REV3L: variants seen among roughly 807,000 people sequenced by gnomAD.
The protein encoded by REV3L is REV3 like, DNA directed polymerase zeta catalytic subunit, also known as DNA polymerase zeta catalytic subunit.
Under a neutral mutation model 299.4 loss-of-function variants are expected in REV3L, and 69 were observed. The ratio of observed to expected loss-of-function variants is 0.23; its 90% CI spans 0.19 to 0.28. REV3L has a LOEUF of 0.28. Ranked by LOEUF, REV3L falls within the 10% of genes least tolerant of loss-of-function variation. The pLI is 1.00. For missense variants in REV3L, 3,128 were observed against 3,693.8 expected (o/e 0.85, Z 3.97); for synonymous variants, 1,238 against 1,271.4 (o/e 0.97, Z 0.56).
At chr6:111,428,127 AAC>A (rs1459346810) in intron 1 of REV3L, among the ~76,000 whole-genome samples, 2 of 152,200 alleles carry the variant, frequency 1.3e-5, no homozygotes, top group African/African-American at 4.8e-5. Flanking sequence ...TAGAATAAAT[AAC>A]TAATCCTTGA....
At chr6:111,454,624 T>C (rs1789956662) in intron 1 of REV3L, among the ~76,000 whole-genome samples, 1 of 152,158 alleles carries the variant, frequency 6.6e-6, no homozygotes, top group Admixed American at 6.6e-5. Context: ...ATTGTAGGTA[T>C]CTCATATAAG....
chr6:111,385,278 T>C (rs1006514396), intron 9 of REV3L, among the ~76,000 whole-genome samples: 1 of 152,116 alleles, frequency 6.6e-6, no homozygotes. Flanking sequence ...CACAAAGAAA[T>C]ATATGCTTGA....
At position 111,416,486 on chromosome 6, in the gene REV3L, C is replaced by A; in HGVS notation, c.140-14G>T. The A allele has an allele frequency of 1.3e-6, 2 of 1,595,238 alleles. No individual in the cohort carries two copies. Among genetic ancestry groups the A allele is most frequent in the Non-Finnish European group, 1.7e-6 (2 of 1,166,800 alleles). On this transcript the variant is annotated splice_polypyrimidine_tract_variant and intron_variant, in intron 1 of 31. Coordinates refer to ENST00000368802, the MANE Select transcript of REV3L (RefSeq NM_001372078.1). The stretch of plus-strand genomic sequence containing the variant: ...ATGTCTTCTGACCTAAAATGTAACA[C>A]ATTATAAAGTTTAGTTTCCAGACAC...
At position 111,388,152 on chromosome 6, in the gene REV3L, A is replaced by C. The variant is rs571148107; in HGVS notation, c.863-67T>G. On this transcript the variant is annotated intron_variant, in intron 7 of 31. Coordinates refer to ENST00000368802, the MANE Select transcript of REV3L (RefSeq NM_001372078.1). ...TGAATGAAATATTTTCCCTTCTCCTAAAGTAGCTTTAAAAATGGTGGCAAT... is the reference window on the plus strand; with the variant it reads ...TGAATGAAATATTTTCCCTTCTCCTCAAGTAGCTTTAAAAATGGTGGCAAT... 110 of 1,087,916 alleles carry C rather than the reference A, an allele frequency of 1.0e-4. 1 individual carries two copies. In the South Asian group the frequency reaches 1.2e-3, roughly 12 times the overall value. The allele number at this position is 1,087,916 out of a possible 1,614,324, so 67.4% of individuals were successfully genotyped here.
At chr6:111,466,668 C>G (rs1197621991) in intron 1 of REV3L, among the ~76,000 whole-genome samples, 25 of 152,158 alleles carry the variant, frequency 1.6e-4, no homozygotes, top group Admixed American at 1.6e-3. Context: ...GAAACCCCAT[C>G]TCTATGAAAC....
At chr6:111,434,809 C>T (rs942679507) in intron 1 of REV3L, among the ~76,000 whole-genome samples, 1 of 152,066 alleles carries the variant, frequency 6.6e-6, no homozygotes, top group African/African-American at 2.4e-5. Flanking sequence ...AGTAAAATAT[C>T]TCTACTAGAA....
chr6:111,303,620 G>A lies in REV3L; in HGVS notation c.9253-3464C>T, dbSNP rs530613804. Reference sequence around the variant, plus strand: ...GCCCTCAAGTGATCCTCCTGCCTCAGCCTCCCAAAGTGCTGGGATTATAGG... The same window carrying A: ...GCCCTCAAGTGATCCTCCTGCCTCAACCTCCCAAAGTGCTGGGATTATAGG... On this transcript the variant is annotated intron_variant, in intron 31 of 31. Transcript: ENST00000368802. 8.9e-5 allele frequency among the ~76,000 whole-genome samples: 12 copies of A among 135,526 alleles called. No individual in the cohort carries two copies. The South Asian group carries it at 2.7e-3, about 30-fold the overall frequency. 88.9% of individuals were successfully genotyped at this position (135,526 alleles called of 152,430 possible).
At chr6:111,459,647 G>A (rs1424395562) in intron 1 of REV3L, among the ~76,000 whole-genome samples, 3 of 151,462 alleles carry the variant, frequency 2.0e-5, no homozygotes, top group Non-Finnish European at 4.4e-5. Context: ...ACATACAAAT[G>A]GCCAAAAAAA....
In REV3L at chr6:111,372,875, C is replaced by T. The variant is rs760936308; in HGVS notation, c.5480G>A (p.Gly1827Asp). The part of the protein sequence containing the change: ...SFTAILSSPD[G>D]ELVDVACEDL... ...TTCACAGGCCACGTCTACAAGTTCA[C>T]CATCAGGGGAGGAGAGTATTGCAGT... The change falls in exon 13 of 32, where the codon GGT (glycine) becomes GAT (aspartate). Residue 1827 changes from glycine (G) to aspartate (D), a missense_variant. Gly to Asp is a moderately conservative substitution (Grantham distance 94). Transcript: ENST00000368802. 3.1e-6 allele frequency: 5 copies of T among 1,614,096 alleles called. No homozygotes were observed. The highest frequency in any genetic ancestry group is 1.1e-5 in the South Asian group (1 of 91,088).
chr6:111,432,737 C>T (rs905473912), intron 1 of REV3L, among the ~76,000 whole-genome samples: 1 of 152,166 alleles, frequency 6.6e-6, no homozygotes, highest in Non-Finnish European at 1.5e-5. Context: ...CCCATGGCTG[C>T]AGAAAACACA....
intron 21 of REV3L, 23 bp from the exon 22 acceptor site, chr6:111,335,633 A>G: frequency 6.3e-7 from 1 of 1,590,498 alleles, no homozygotes; most frequent in Non-Finnish European, 8.5e-7. Context: ...AATCCACATT[A>G]TGAACATCAG....
chr6:111,388,215 C>A (rs140051761), intron 7 of REV3L, 130 bp from the exon 8 acceptor site: 2 of 625,516 alleles, frequency 3.2e-6, no homozygotes, highest in African/African-American at 1.8e-5. Flanking sequence ...TACAACCTAA[C>A]TGTAGTTTTA....
At chr6:111,449,386 G>A (rs1266298282) in intron 1 of REV3L, among the ~76,000 whole-genome samples, 5 of 109,390 alleles carry the variant, frequency 4.6e-5, no homozygotes, top group African/African-American at 1.3e-4. Context: ...GTAGAATACC[G>A]GGAGAAGAGA....
chr6:111,394,794 C>A (rs919543030), intron 4 of REV3L, among the ~76,000 whole-genome samples: 1 of 150,668 alleles, frequency 6.6e-6, no homozygotes, highest in African/African-American at 2.4e-5. Context: ...CCTTGAGCTT[C>A]CAGGCTCAAA....
At chr6:111,437,428 TA>T (rs1787684941) in intron 1 of REV3L, among the ~76,000 whole-genome samples, 1 of 151,952 alleles carries the variant, frequency 6.6e-6, no homozygotes, top group African/African-American at 2.4e-5. Context: ...GAAGTGCTGA[TA>T]AATGCTATAC....
chr6:111,340,739 A>T (rs1776396504), intron 21 of REV3L, among the ~76,000 whole-genome samples: 1 of 152,098 alleles, frequency 6.6e-6, no homozygotes, highest in Non-Finnish European at 1.5e-5. Context: ...ATTCACTTAA[A>T]TTTAAGAATG....
intron 18 of REV3L, among the ~76,000 whole-genome samples, chr6:111,356,201 T>C (rs1045182294): frequency 6.6e-6 from 1 of 152,144 alleles, no homozygotes; most frequent in African/African-American, 2.4e-5. Flanking sequence ...TATCTGTATA[T>C]CAGGATCCAA....
At chr6:111,361,969 G>C (rs1005534889) in intron 16 of REV3L, among the ~76,000 whole-genome samples, 1 of 152,142 alleles carries the variant, frequency 6.6e-6, no homozygotes, top group Admixed American at 6.5e-5. Flanking sequence ...CCATGGTTCT[G>C]AAACAGGGTT....
intron 1 of REV3L, among the ~76,000 whole-genome samples, chr6:111,456,710 A>G (rs1359180057): frequency 6.6e-6 from 1 of 152,216 alleles, no homozygotes; most frequent in Admixed American, 6.5e-5. Flanking sequence ...TTCAGATTTC[A>G]AATATAAGGT....
Sources: gnomAD v4.1 joint callset for allele counts (sites outside exome capture counted in the v4.1 genomes callset) on GRCh38, gnomAD v4.1.1 for gene constraint, MANE v1.5 for transcripts, NCBI Gene and HGNC (gene_info 2026-07-23, HGNC 2026-07-21) for gene names.